SFMBT2: variants seen among roughly 807,000 people sequenced by gnomAD.
SFMBT2 encodes scm-like with four MBT domains protein 2.
SFMBT2 carries 38 observed loss-of-function variants against 110.1 expected under a neutral mutation model. The ratio of observed to expected loss-of-function variants is 0.35; its 90% CI spans 0.27 to 0.45. SFMBT2 has a LOEUF of 0.45. SFMBT2 is among the 20% of genes least tolerant of loss of function. SFMBT2 has a pLI of 1.00. For missense variants in SFMBT2, 1,011 were observed against 1,094.9 expected (o/e 0.92, Z 1.08); for synonymous variants, 425 against 425.4 (o/e 1.00, Z 0.01).
chr10:7,164,704 A>C (rs1837647586), intron 20 of SFMBT2, among the ~76,000 whole-genome samples: 1 of 151,380 alleles, frequency 6.6e-6, no homozygotes, highest in African/African-American at 2.4e-5. Context: ...GAAGATGCTC[A>C]AGACAGATAT....
chr10:7,348,402 G>A (rs1309093504), intron 4 of SFMBT2: 3 of 1,331,550 alleles, frequency 2.3e-6, no homozygotes, highest in East Asian at 5.4e-5. Context: ...ATGGGCTTTG[G>A]GGGGCTCTTC....
chr10:7,383,063 G>C (rs1845472080), intron 1 of SFMBT2, among the ~76,000 whole-genome samples: 1 of 152,240 alleles, frequency 6.6e-6, no homozygotes, highest in Non-Finnish European at 1.5e-5. Flanking sequence ...CACACATAGA[G>C]AGAAGTTTAA....
At chr10:7,395,010 T>A (rs531209300) in intron 1 of SFMBT2, among the ~76,000 whole-genome samples, 2 of 152,124 alleles carry the variant, frequency 1.3e-5, no homozygotes, top group Non-Finnish European at 2.9e-5. Flanking sequence ...TCACCACTAG[T>A]GTAGGTGGGT....
At chr10:7,342,287 T>C (rs549791861) in intron 4 of SFMBT2, among the ~76,000 whole-genome samples, 22 of 150,874 alleles carry the variant, frequency 1.5e-4, no homozygotes, top group African/African-American at 5.3e-4. Flanking sequence ...CACATAAGCA[T>C]ACATGCCTGT....
chr10:7,203,671 G>A (rs1839029940), intron 12 of SFMBT2: 3 of 984,840 alleles, frequency 3.0e-6, no homozygotes, highest in African/African-American at 3.5e-5. Flanking sequence ...CTCAGGTTGG[G>A]GAGAATCTAT....
chr10:7,232,202 C>T (rs1840124190), intron 9 of SFMBT2, among the ~76,000 whole-genome samples: 1 of 152,042 alleles, frequency 6.6e-6, no homozygotes, highest in South Asian at 2.1e-4. Context: ...GGTTGATGAC[C>T]CATTTCCCTC....
intron 9 of SFMBT2, among the ~76,000 whole-genome samples, chr10:7,231,762 C>CCCT (rs1840115313): frequency 1.3e-5 from 2 of 152,220 alleles, no homozygotes; most frequent in Non-Finnish European, 2.9e-5. Context: ...CTCCTCTGTC[C>CCCT]CCTCCTCCTC....
intron 4 of SFMBT2, among the ~76,000 whole-genome samples, chr10:7,344,845 G>A (rs1844054525): frequency 6.6e-6 from 1 of 151,014 alleles, no homozygotes; most frequent in Non-Finnish European, 1.5e-5. Context: ...TGTAGTCCCA[G>A]CTACTTGGGA....
At chr10:7,260,865 C>A (rs1841173720) in intron 7 of SFMBT2, among the ~76,000 whole-genome samples, 1 of 152,066 alleles carries the variant, frequency 6.6e-6, no homozygotes. Flanking sequence ...GAATAGGCAA[C>A]ACTGAATACT....
chr10:7,191,834 C>T (rs190303367), intron 15 of SFMBT2, among the ~76,000 whole-genome samples: 127 of 152,216 alleles, frequency 8.3e-4, no homozygotes, highest in Admixed American at 3.4e-3. Context: ...TCAATATGGG[C>T]TCTGAAATTA....
intron 15 of SFMBT2, among the ~76,000 whole-genome samples, chr10:7,194,502 C>T (rs924463276): frequency 3.3e-5 from 5 of 152,176 alleles, no homozygotes; most frequent in African/African-American, 1.2e-4. Context: ...TCTCACTGCA[C>T]ATCTCCTACA....
At chr10:7,197,187 C>T (rs7069527) in intron 15 of SFMBT2, among the ~76,000 whole-genome samples, 3,498 of 152,266 alleles carry the variant, frequency 0.023, 58 homozygotes, top group Non-Finnish European at 0.035. Flanking sequence ...GTCCTCTGTG[C>T]CATTCCAGGC....
At chr10:7,336,598 G>A (rs1397551187) in intron 4 of SFMBT2, among the ~76,000 whole-genome samples, 1 of 152,158 alleles carries the variant, frequency 6.6e-6, no homozygotes, top group Non-Finnish European at 1.5e-5. Flanking sequence ...AGGATGCAGT[G>A]AGCTATGATC....
At chr10:7,220,696 C>G (rs940127352) in intron 10 of SFMBT2, among the ~76,000 whole-genome samples, 159 bp from the exon 11 acceptor site, 1 of 152,220 alleles carries the variant, frequency 6.6e-6, no homozygotes, top group Non-Finnish European at 1.5e-5. Flanking sequence ...AAGAAAGAAC[C>G]AGGTGGTCTT....
chr10:7,385,490 A>C (rs893407629), intron 1 of SFMBT2, among the ~76,000 whole-genome samples: 3 of 152,228 alleles, frequency 2.0e-5, no homozygotes, highest in Non-Finnish European at 4.4e-5. Context: ...GAGCAAACAA[A>C]GGTAAACCAG....
intron 1 of SFMBT2, among the ~76,000 whole-genome samples, chr10:7,397,529 A>G (rs1564474975): frequency 6.6e-6 from 1 of 152,120 alleles, no homozygotes; most frequent in East Asian, 1.9e-4. Context: ...CTCATTTCAC[A>G]CTCCAGGAAT....
rs1195970892 is a variant in SFMBT2, at chr10:7,171,310, C to T, written c.2416-254G>A. 3.3e-6 allele frequency: 3 copies of T among 911,162 alleles called. No homozygotes were observed. Among genetic ancestry groups the T allele is most frequent in the African/African-American group, 1.8e-5 (1 of 55,794 alleles). 56.4% of individuals were successfully genotyped at this position (911,162 alleles called of 1,614,324 possible). ...CACAGTGACAGTCGCTCTTGCATCCCTAGTTCAGGAAACCTTGGGCCTGCT... is the reference window on the plus strand; with the variant it reads ...CACAGTGACAGTCGCTCTTGCATCCTTAGTTCAGGAAACCTTGGGCCTGCT... On this transcript the variant is annotated intron_variant, in intron 19 of 20. Transcript: ENST00000397167. The surrounding 1 kb of genome is among the most constrained non-coding windows in gnomAD (Gnocchi z 4.9).
intron 9 of SFMBT2, among the ~76,000 whole-genome samples, chr10:7,242,902 A>G (rs1031334047): frequency 3.9e-5 from 6 of 152,090 alleles, no homozygotes; most frequent in African/African-American, 1.4e-4. Flanking sequence ...ATCTTTTTCC[A>G]ATTTTCTTCT....
chr10:7,335,925 A>C (rs753703419), intron 4 of SFMBT2, among the ~76,000 whole-genome samples: 18 of 152,208 alleles, frequency 1.2e-4, no homozygotes, highest in Non-Finnish European at 2.1e-4. Flanking sequence ...ATGTATAACT[A>C]AGGCCCTTCC....
Sources: gnomAD v4.1 joint callset for allele counts (sites outside exome capture counted in the v4.1 genomes callset) on GRCh38, gnomAD v4.1.1 for gene constraint, Gnocchi (gnomAD v3.1) non-coding constraint, MANE v1.5 for transcripts, NCBI Gene and HGNC (gene_info 2026-07-23, HGNC 2026-07-21) for gene names.